SNTG2: variants seen among roughly 807,000 people sequenced by gnomAD.
The protein encoded by SNTG2 is gamma-2-syntrophin.
SNTG2 carries 74 observed loss-of-function variants against 70.9 expected under a neutral mutation model. The observed-to-expected ratio is 1.04, with a 90% CI of 0.86 to 1.27. The LOEUF is 1.27. Among genes scored for constraint, SNTG2 ranks in the 50% most tolerant of loss-of-function variants. The pLI, the probability that SNTG2 is intolerant of heterozygous loss-of-function variation, is 0.00. For missense variants in SNTG2, 717 were observed against 690.7 expected (o/e 1.04, Z -0.43); for synonymous variants, 278 against 273.8 (o/e 1.02, Z -0.15).
chr2:1,248,382 A>G (rs1039063071), intron 12 of SNTG2, among the ~76,000 whole-genome samples: 1 of 152,244 alleles, frequency 6.6e-6, no homozygotes, highest in African/African-American at 2.4e-5. Context: ...ATGCAGCATT[A>G]CTAACCACAC....
intron 1 of SNTG2, among the ~76,000 whole-genome samples, chr2:1,074,284 T>C (rs1376822859): frequency 6.6e-6 from 1 of 152,244 alleles, no homozygotes; most frequent in Non-Finnish European, 1.5e-5. Flanking sequence ...TTTCAGACTG[T>C]AAATCACTGT....
chr2:951,540 G>A lies in SNTG2; in HGVS notation c.72+472G>A, dbSNP rs566146409. The stretch of plus-strand genomic sequence containing the variant: ...CCAGCCAGGTGCATGGCGCGGCCTC[G>A]GCAGGTGCTGGGGGCTCTAGGCCAT... On this transcript the variant is annotated intron_variant, in intron 1 of 16. Transcript: ENST00000308624. 3.3e-5 allele frequency among the ~76,000 whole-genome samples: 5 copies of A among 152,342 alleles called. No homozygotes were observed. The South Asian group carries it at 1.0e-3, about 32-fold the overall frequency.
intron 1 of SNTG2, among the ~76,000 whole-genome samples, chr2:988,983 A>T (rs4507130): frequency 0.36 from 55,413 of 151,966 alleles, 10,620 homozygotes; most frequent in Middle Eastern, 0.52. Context: ...CTAAATGTTC[A>T]TATACTTTAT....
chr2:1,200,747 G>A (rs1287923890), intron 8 of SNTG2, among the ~76,000 whole-genome samples: 4 of 151,780 alleles, frequency 2.6e-5, no homozygotes, highest in Non-Finnish European at 5.9e-5. Context: ...GAAGACATAT[G>A]GCCTATAGGC....
chr2:1,292,471 T>A (rs1479968193), intron 14 of SNTG2, among the ~76,000 whole-genome samples: 1 of 152,160 alleles, frequency 6.6e-6, no homozygotes, highest in Non-Finnish European at 1.5e-5. Flanking sequence ...GAGTATGATG[T>A]TAATGTGGGC....
intron 1 of SNTG2, among the ~76,000 whole-genome samples, chr2:996,569 C>T (rs1030775491): frequency 3.3e-5 from 5 of 151,274 alleles, no homozygotes; most frequent in South Asian, 2.1e-4. Context: ...TATAGACATA[C>T]ACATATGTGT....
chr2:1,346,346 G>A (rs555493663), intron 16 of SNTG2: 33 of 152,484 alleles, frequency 2.2e-4, no homozygotes, highest in African/African-American at 6.0e-4. Flanking sequence ...GGAAGCCCCA[G>A]TCCTAGGGAG....
rs538841574 is a variant in SNTG2, at chr2:1,114,173, G to A, written c.325+15763G>A. 5.4e-5 allele frequency among the ~76,000 whole-genome samples: 8 copies of A among 147,504 alleles called. No homozygotes were observed. In the East Asian group the frequency reaches 6.3e-4, roughly 12 times the overall value. On this transcript the variant is annotated intron_variant, in intron 4 of 16. Coordinates refer to ENST00000308624, the MANE Select transcript of SNTG2 (RefSeq NM_018968.4). ...CCCTTACGGTCCTTTGAGGAGGATC[G>A]TGTGTAACTAAGTGAGGTTTAACCC...
intron 1 of SNTG2, among the ~76,000 whole-genome samples, chr2:1,019,868 C>T (rs997068594): frequency 2.6e-5 from 4 of 152,006 alleles, no homozygotes; most frequent in Non-Finnish European, 1.5e-5. Context: ...CATGGTGAAA[C>T]CCCGTCTCTA....
chr2:1,360,582 T>G (rs1439913163), intron 16 of SNTG2, among the ~76,000 whole-genome samples: 1 of 152,200 alleles, frequency 6.6e-6, no homozygotes, highest in African/African-American at 2.4e-5. Context: ...TCTATTTCCC[T>G]TATATTTGTG....
rs1398252984 is a variant in SNTG2 at position 1,097,205 on chromosome 2, A to G, written c.211-991A>G. Among the ~76,000 whole-genome samples, 2 of 152,182 alleles carry G rather than the reference A, an allele frequency of 1.3e-5. No individual in the cohort carries two copies. Among genetic ancestry groups the G allele is most frequent in the Admixed American group, 6.5e-5 (1 of 15,280 alleles). Reference sequence around the variant, plus strand: ...AAGAAGGACATTCCTGGGGTATCTCAGGCTGCGGAAGCCCTCACAGCAGCC... The same window carrying G: ...AAGAAGGACATTCCTGGGGTATCTCGGGCTGCGGAAGCCCTCACAGCAGCC... On this transcript the variant is annotated intron_variant, in intron 2 of 16. Transcript: ENST00000308624. The surrounding 1 kb of genome is among the most constrained non-coding windows in gnomAD (Gnocchi z 4.1).
intron 6 of SNTG2, among the ~76,000 whole-genome samples, chr2:1,146,213 GTTAT>G (rs1669092442): frequency 6.6e-6 from 1 of 152,072 alleles, no homozygotes. Context: ...GGAATGCAAG[GTTAT>G]TTATTATATA....
At chr2:1,162,067 G>A (rs28431848) in intron 6 of SNTG2, among the ~76,000 whole-genome samples, 41,390 of 94,640 alleles carry the variant, frequency 0.44, 7,275 homozygotes, top group East Asian at 0.87. Flanking sequence ...GTGAGACTCC[G>A]TCTCAAAAAA....
chr2:991,094 A>G lies in SNTG2; in HGVS notation c.72+40026A>G, dbSNP rs138265302. On this transcript the variant is annotated intron_variant, in intron 1 of 16. Coordinates refer to ENST00000308624, the MANE Select transcript of SNTG2 (RefSeq NM_018968.4). ...CTGATGATATATATCTGGTCACACT[A>G]CAGAGAAGACTTTCTCTTAATTTGC... 8.5e-5 allele frequency among the ~76,000 whole-genome samples: 13 copies of G among 152,296 alleles called. No individual in the cohort carries two copies. In the East Asian group the frequency reaches 2.1e-3, roughly 25 times the overall value.
intron 8 of SNTG2, among the ~76,000 whole-genome samples, chr2:1,197,824 T>C (rs1673021813): frequency 6.6e-6 from 1 of 152,108 alleles, no homozygotes; most frequent in African/African-American, 2.4e-5. Flanking sequence ...TGAGCCAACA[T>C]GCCTGACCCA....
chr2:1,237,932 G>C lies in SNTG2; in HGVS notation c.764G>C (p.Gly255Ala), dbSNP rs748766167. The C allele has an allele frequency of 1.9e-6, 3 of 1,607,298 alleles. No individual in the cohort carries two copies. The highest frequency in any genetic ancestry group is 1.7e-5 in the Admixed American group (1 of 59,334). Residue 255 changes from glycine (G) to alanine (A), a missense_variant, in exon 10 of 17, where the codon GGG (glycine) becomes GCG (alanine). Gly to Ala is a moderately conservative substitution (Grantham distance 60, BLOSUM62 0). Coordinates refer to ENST00000308624, the MANE Select transcript of SNTG2 (RefSeq NM_018968.4). The stretch of plus-strand genomic sequence containing the variant: ...CTCGCCCTGGACGGAGTCAGCTCTG[G>C]GATCCTCCGGTTTTACACAGCCCAG... The part of the protein sequence containing the change: ...EVLALDGVSS[G>A]ILRFYTAQDG...
At chr2:1,328,069 C>A (rs1244217015) in intron 16 of SNTG2, among the ~76,000 whole-genome samples, 1 of 151,948 alleles carries the variant, frequency 6.6e-6, no homozygotes, top group African/African-American at 2.4e-5. Context: ...GCAAGGGGGG[C>A]GAGGGATGCC....
chr2:1,066,514 G>A (rs1663164972), intron 1 of SNTG2, among the ~76,000 whole-genome samples: 1 of 151,576 alleles, frequency 6.6e-6, no homozygotes, highest in South Asian at 2.1e-4. Context: ...TGGTCAGACC[G>A]GCACAGACCA....
intron 9 of SNTG2, chr2:1,210,307 C>A (rs938425133): frequency 1.3e-5 from 2 of 151,986 alleles, no homozygotes; most frequent in African/African-American, 4.8e-5. Context: ...AATGGAAAGA[C>A]AGGTAGGTGA....
Sources: gnomAD v4.1 joint callset for allele counts (sites outside exome capture counted in the v4.1 genomes callset) on GRCh38, gnomAD v4.1.1 for gene constraint, Gnocchi (gnomAD v3.1) non-coding constraint, MANE v1.5 for transcripts, NCBI Gene and HGNC (gene_info 2026-07-23, HGNC 2026-07-21) for gene names.